Variants in RGS17 observed in about 807,000 individuals in gnomAD.
RGS17 encodes the protein regulator of G protein signaling 17.
RGS17 carries 12 observed loss-of-function variants against 25.5 expected under a neutral mutation model. That is an observed-to-expected ratio of 0.47 (90% CI 0.30 to 0.76). RGS17 has a LOEUF of 0.76. Ranked by LOEUF, RGS17 falls within the 30% of genes least tolerant of loss-of-function variation. The pLI is 0.07. For missense variants in RGS17, 196 were observed against 242.2 expected, an observed-to-expected ratio of 0.81 and a Z score of 1.27; for synonymous variants, 71 against 76.9, an observed-to-expected ratio of 0.92 and a Z score of 0.40.
chr6:153,073,069 A>T (rs1329854635), intron 1 of RGS17, among the ~76,000 whole-genome samples: 1 of 152,226 alleles, frequency 6.6e-6, no homozygotes, highest in Non-Finnish European at 1.5e-5. Flanking sequence ...TCTCGATGAC[A>T]TAACAATTCC....
At chr6:153,055,230 T>C (rs1313256669) in intron 1 of RGS17, among the ~76,000 whole-genome samples, 1 of 152,100 alleles carries the variant, frequency 6.6e-6, no homozygotes, top group Non-Finnish European at 1.5e-5. Flanking sequence ...AGGGGATTGG[T>C]GTGGGTTTAT....
chr6:153,117,885 A>G (rs1234061658), intron 1 of RGS17, among the ~76,000 whole-genome samples: 2 of 152,262 alleles, frequency 1.3e-5, no homozygotes, highest in Non-Finnish European at 2.9e-5. Flanking sequence ...GGAGACTAAT[A>G]ATAAATACAA....
intron 1 of RGS17, among the ~76,000 whole-genome samples, chr6:153,112,152 T>C (rs578155294): frequency 2.8e-4 from 42 of 152,286 alleles, no homozygotes; most frequent in African/African-American, 9.6e-4. Flanking sequence ...TAAAGAAGCA[T>C]GTTCTAACCC....
intron 1 of RGS17, among the ~76,000 whole-genome samples, chr6:153,098,893 T>C (rs1281376890): frequency 2.6e-5 from 4 of 152,118 alleles, no homozygotes; most frequent in Non-Finnish European, 5.9e-5. Flanking sequence ...ACCTGGTGCA[T>C]TGATGGAGTA....
Position 153,130,797 on chromosome 6 carries a change from G to A in RGS17, c.-26+327C>T, listed in dbSNP as rs1777778971. 6.6e-6 allele frequency among the ~76,000 whole-genome samples: 1 copy of A among 152,080 alleles called. No individual in the cohort carries two copies. Among genetic ancestry groups the A allele is most frequent in the Non-Finnish European group, 1.5e-5 (1 of 67,994 alleles). On this transcript the variant is annotated intron_variant, in intron 1 of 4. Coordinates refer to ENST00000206262, the MANE Select transcript of RGS17 (RefSeq NM_012419.5). The surrounding 1 kb of genome is among the most constrained non-coding windows in gnomAD (Gnocchi z 6.4). ...GCCCCGCTCTCCGCGGGAACTCTGG[G>A]ACCTGGCCGAGCGTTCCCCGGCGGG...
chr6:153,035,194 T>G (rs1584127393), intron 2 of RGS17, among the ~76,000 whole-genome samples: 1 of 151,266 alleles, frequency 6.6e-6, no homozygotes, highest in Non-Finnish European at 1.5e-5. Flanking sequence ...AAAGTGTCAG[T>G]GACAGAAATT....
At chr6:153,071,630 T>C (rs940717746) in intron 1 of RGS17, among the ~76,000 whole-genome samples, 2 of 152,164 alleles carry the variant, frequency 1.3e-5, no homozygotes, top group African/African-American at 4.8e-5. Flanking sequence ...CAAATTGCTA[T>C]AAAGGTTTCT....
intron 1 of RGS17, among the ~76,000 whole-genome samples, chr6:153,056,416 T>C (rs549383484): frequency 2.6e-5 from 4 of 152,256 alleles, no homozygotes; most frequent in African/African-American, 9.6e-5. Context: ...GGTTAGAACA[T>C]GGATTAACGA....
chr6:153,120,092 A>C (rs4870165), intron 1 of RGS17, among the ~76,000 whole-genome samples: 9 of 152,216 alleles, frequency 5.9e-5, no homozygotes, highest in Non-Finnish European at 1.0e-4. Context: ...GTTCAAAATA[A>C]CATTGCAATT....
intron 4 of RGS17, 32 bp downstream of exon 4, chr6:153,024,230 G>C: frequency 6.8e-7 from 1 of 1,463,452 alleles, no homozygotes; most frequent in Admixed American, 1.8e-5. Context: ...TTGGTCTTAG[G>C]AAGCCCACCT....
intron 1 of RGS17, among the ~76,000 whole-genome samples, chr6:153,052,227 A>G (rs571096143): frequency 7.4e-5 from 11 of 148,944 alleles, no homozygotes; most frequent in South Asian, 6.5e-4. Context: ...GTGCAGAGCA[A>G]TATCTCAACT....
intron 1 of RGS17, among the ~76,000 whole-genome samples, chr6:153,054,114 G>GTATATA (rs1419620702): frequency 2.1e-5 from 1 of 48,536 alleles, no homozygotes; most frequent in African/African-American, 7.8e-5. Flanking sequence ...ATATATATAT[G>GTATATA]TGTATATATA....
rs570525177 is a variant in RGS17, at chr6:153,130,765, A to C, written c.-26+359T>G. ...TGGCCCGGCCCTCCCGGCCGCCCCC[A>C]GCAGGCGCCCCGCTCTCCGCGGGAA... is the stretch of plus-strand genomic sequence containing the variant. On this transcript the variant is annotated intron_variant, in intron 1 of 4. Coordinates refer to ENST00000206262, the MANE Select transcript of RGS17 (RefSeq NM_012419.5). The surrounding 1 kb of genome is among the most constrained non-coding windows in gnomAD (Gnocchi z 6.4). Among the ~76,000 whole-genome samples, 19 of 151,964 alleles carry C rather than the reference A, an allele frequency of 1.3e-4. 1 individual carries two copies. The highest frequency in any genetic ancestry group is 6.8e-3 in the Middle Eastern group (2 of 292).
intron 1 of RGS17, among the ~76,000 whole-genome samples, chr6:153,117,155 A>C (rs1375279742): frequency 6.6e-6 from 1 of 152,200 alleles, no homozygotes; most frequent in East Asian, 1.9e-4. Flanking sequence ...ACAGTTCTGC[A>C]TGGCTGGGGA....
At chr6:153,046,028 C>T (rs1045088055) in intron 1 of RGS17, among the ~76,000 whole-genome samples, 1 of 152,108 alleles carries the variant, frequency 6.6e-6, no homozygotes, top group Non-Finnish European at 1.5e-5. Context: ...TAATGAAACC[C>T]TGTCATTCAC....
At chr6:153,069,647 C>A (rs561927173) in intron 1 of RGS17, among the ~76,000 whole-genome samples, 1 of 151,860 alleles carries the variant, frequency 6.6e-6, no homozygotes, top group East Asian at 1.9e-4. Context: ...AGGATAAATG[C>A]TTGAGAGGAT....
At chr6:153,017,344 C>G (rs1779195139) in intron 4 of RGS17, among the ~76,000 whole-genome samples, 2 of 151,982 alleles carry the variant, frequency 1.3e-5, no homozygotes. Flanking sequence ...GGCAGAAAAG[C>G]AAGGGACTTG....
intron 1 of RGS17, among the ~76,000 whole-genome samples, chr6:153,070,766 T>G (rs998922073): frequency 2.6e-5 from 4 of 151,384 alleles, no homozygotes; most frequent in African/African-American, 9.7e-5. Context: ...TGTATGTATA[T>G]ACATATACAC....
chr6:153,090,763 C>T (rs1777118383), intron 1 of RGS17, among the ~76,000 whole-genome samples: 1 of 152,192 alleles, frequency 6.6e-6, no homozygotes, highest in South Asian at 2.1e-4. Context: ...CGTGTCCATG[C>T]TGTATATGCT....
Sources: gnomAD v4.1 joint callset for allele counts (sites outside exome capture counted in the v4.1 genomes callset) on GRCh38, gnomAD v4.1.1 for gene constraint, Gnocchi (gnomAD v3.1) non-coding constraint, MANE v1.5 for transcripts, NCBI Gene and HGNC (gene_info 2026-07-23, HGNC 2026-07-21) for gene names.